The following ANO10 variants were observed in gnomAD, a reference collection of about 807,000 sequenced individuals.
ANO10 encodes the protein anoctamin-10.
A neutral mutation model predicts 74.7 loss-of-function variants in ANO10; 77 were observed. The ratio of observed to expected loss-of-function variants is 1.03; its 90% CI spans 0.86 to 1.25. ANO10 has a LOEUF of 1.25. ANO10 is among the 50% of genes most tolerant of loss of function. ANO10 has a pLI of 0.00. For missense variants in ANO10, 721 were observed against 778.1 expected (o/e 0.93, Z 0.87); for synonymous variants, 279 against 284.9 (o/e 0.98, Z 0.21).
rs138234271 is a variant in ANO10 at position 43,663,348 on chromosome 3, T to A, written c.-12+28169A>T. On this transcript the variant is annotated intron_variant, in intron 1 of 3. Transcript: ENST00000413397. ...TTCAACAAAATTCAAGAGCCTTTCA[T>A]GCTAAAAACTCTCAATAAACTAGGT... is the stretch of plus-strand genomic sequence containing the variant. Among the ~76,000 whole-genome samples, 1,118 of 152,324 alleles carry A rather than the reference T, an allele frequency of 7.3e-3. 7 individuals carry two copies. The highest frequency in any genetic ancestry group is 0.027 in the South Asian group (132 of 4,834).
intron 11 of ANO10, among the ~76,000 whole-genome samples, chr3:43,535,628 C>T (rs2149261702): frequency 6.6e-6 from 1 of 152,212 alleles, no homozygotes; most frequent in East Asian, 1.9e-4. Context: ...TTAGTATGAG[C>T]TCCTTATTTT....
intron 1 of ANO10, among the ~76,000 whole-genome samples, chr3:43,628,568 C>T (rs568280059): frequency 1.6e-4 from 25 of 152,208 alleles, no homozygotes; most frequent in Non-Finnish European, 2.9e-4. Flanking sequence ...TAACCTTAAA[C>T]TCTGACTGCT....
At chr3:43,474,603 T>A (rs1308523930) in intron 11 of ANO10, among the ~76,000 whole-genome samples, 1 of 152,238 alleles carries the variant, frequency 6.6e-6, no homozygotes, top group African/African-American at 2.4e-5. Flanking sequence ...AAACAAACAC[T>A]GTTTAAAAAG....
chr3:43,586,084 G>C (rs2081469540), intron 4 of ANO10, among the ~76,000 whole-genome samples: 1 of 152,136 alleles, frequency 6.6e-6, no homozygotes, highest in African/African-American at 2.4e-5. Context: ...GCACACAAAG[G>C]GCAAGGCTCT....
At chr3:43,395,740 T>C (rs1335587746) in intron 12 of ANO10, among the ~76,000 whole-genome samples, 1 of 151,264 alleles carries the variant, frequency 6.6e-6, no homozygotes, top group African/African-American at 2.4e-5. Context: ...CATTTCCATA[T>C]GAATTTTAGA....
chr3:43,527,298 A>T (rs1396713581), intron 11 of ANO10, among the ~76,000 whole-genome samples: 1 of 152,124 alleles, frequency 6.6e-6, no homozygotes, highest in Non-Finnish European at 1.5e-5. Flanking sequence ...TGTTAACAAG[A>T]ATAGATTTTG....
At chr3:43,568,436 T>C (rs2080496537) in intron 7 of ANO10, among the ~76,000 whole-genome samples, 1 of 152,084 alleles carries the variant, frequency 6.6e-6, no homozygotes, top group African/African-American at 2.4e-5. Flanking sequence ...TAGTTGGAAG[T>C]AAAGCACTCC....
At chr3:43,639,778 A>G (rs2083653437) in intron 1 of ANO10, among the ~76,000 whole-genome samples, 1 of 148,334 alleles carries the variant, frequency 6.7e-6, no homozygotes, top group South Asian at 2.1e-4. Context: ...CCATCTCAGA[A>G]AAAAAAAAAA....
At chr3:43,455,402 G>T (rs893239638) in intron 11 of ANO10, among the ~76,000 whole-genome samples, 3 of 152,150 alleles carry the variant, frequency 2.0e-5, no homozygotes, top group African/African-American at 7.2e-5. Context: ...AGACAGGTCA[G>T]TGGAGGAGAG....
chr3:43,383,065 T>TA (rs553792593), intron 12 of ANO10, among the ~76,000 whole-genome samples: 2 of 151,904 alleles, frequency 1.3e-5, no homozygotes, highest in South Asian at 2.1e-4. Context: ...GGAAAGGACA[T>TA]AAAAAAAGAA....
intron 10 of ANO10, among the ~76,000 whole-genome samples, chr3:43,554,394 T>C (rs149119142): frequency 0.013 from 2,011 of 151,968 alleles, 49 homozygotes; most frequent in African/African-American, 0.046. Context: ...GGTTTCACCA[T>C]GTTGGCCAGG....
At chr3:43,691,110 A>G in intron 1 of ANO10, 1 of 1,425,254 alleles carries the variant, frequency 7.0e-7, no homozygotes. Context: ...GTTAGGGCCC[A>G]GCGGGCAGCA....
intron 7 of ANO10, among the ~76,000 whole-genome samples, chr3:43,571,874 AAAAAG>A (rs2080747009): frequency 6.6e-6 from 1 of 151,944 alleles, no homozygotes; most frequent in African/African-American, 2.4e-5. Flanking sequence ...AAAAAAAAAA[AAAAAG>A]AAAAATGTAA....
chr3:43,620,718 TTGTG>T (rs2083350059), intron 1 of ANO10, among the ~76,000 whole-genome samples: 1 of 152,160 alleles, frequency 6.6e-6, no homozygotes, highest in Non-Finnish European at 1.5e-5. Context: ...TGAGCAGACA[TTGTG>T]CCACTGCACT....
chr3:43,396,401 C>G (rs2092382166), intron 12 of ANO10, among the ~76,000 whole-genome samples: 1 of 151,844 alleles, frequency 6.6e-6, no homozygotes. Flanking sequence ...TGCAGTGGCG[C>G]AATCTTGGCT....
chr3:43,598,255 C>T (rs2082179322), intron 4 of ANO10, among the ~76,000 whole-genome samples: 1 of 152,174 alleles, frequency 6.6e-6, no homozygotes. Flanking sequence ...ATAAAGTAAA[C>T]TTTGCTCATT....
intron 11 of ANO10, among the ~76,000 whole-genome samples, chr3:43,491,661 C>T (rs2076729683): frequency 6.6e-6 from 1 of 152,148 alleles, no homozygotes; most frequent in Admixed American, 6.5e-5. Context: ...AACTCCTGCT[C>T]TAAAACTTGC....
At chr3:43,393,286 G>C (rs2092313723) in intron 12 of ANO10, among the ~76,000 whole-genome samples, 1 of 152,168 alleles carries the variant, frequency 6.6e-6, no homozygotes, top group Non-Finnish European at 1.5e-5. Flanking sequence ...ATTCACCCCA[G>C]AGCATGGCTC....
At chr3:43,682,729 A>G (rs2084217842) in intron 1 of ANO10, among the ~76,000 whole-genome samples, 1 of 152,230 alleles carries the variant, frequency 6.6e-6, no homozygotes, top group Non-Finnish European at 1.5e-5. Flanking sequence ...AAGCTTATCC[A>G]CCATGATCAA....
Sources: allele counts gnomAD v4.1 joint callset (sites outside exome capture counted in the v4.1 genomes callset), GRCh38; gene constraint gnomAD v4.1.1; transcripts MANE v1.5; gene names NCBI Gene and HGNC (gene_info 2026-07-23, HGNC 2026-07-21).